ZNF536: variants seen among roughly 807,000 people sequenced by gnomAD.
ZNF536 encodes the protein zinc finger protein 536.
Under a neutral mutation model 84.5 loss-of-function variants are expected in ZNF536, and 13 were observed. That is an observed-to-expected ratio of 0.15 (90% CI 0.10 to 0.24). ZNF536 has a LOEUF of 0.24. Ranked by LOEUF, ZNF536 falls within the 10% of genes least tolerant of loss-of-function variation. The pLI is 1.00. For synonymous variants in ZNF536, 811 were observed against 742.5 expected (o/e 1.09, Z -1.50); for missense variants, 1,536 against 1,747.5 (o/e 0.88, Z 2.16).
In ZNF536 at chr19:30,549,148, A is replaced by G. The variant is rs764948969; in HGVS notation, c.3529A>G (p.Asn1177Asp). The change falls in exon 4 of 5, where the codon AAC (asparagine) becomes GAC (aspartate). Residue 1177 changes from asparagine (N) to aspartate (D), a missense_variant. Asn to Asp is a conservative substitution (Grantham distance 23, BLOSUM62 1). Around this residue, in one of 8 missense-constraint regions of ZNF536, gnomAD observed 624 missense variants for 603.1 expected, o/e 1.03. Coordinates refer to ENST00000355537, the MANE Select transcript of ZNF536 (RefSeq NM_014717.3). ...SEDMDSSKGE[N>D]NDEEDVETEP... ...GGACATGGACTCCTCCAAGGGGGAG[A>G]ACAACGATGAAGAGGATGTTGAAAC... The G allele has an allele frequency of 1.5e-5, 24 of 1,613,936 alleles. No individual in the cohort carries two copies. The highest frequency in any genetic ancestry group is 2.0e-5 in the Non-Finnish European group (24 of 1,180,058).
At chr19:30,513,723 T>A (rs2055515139) in intron 2 of ZNF536, among the ~76,000 whole-genome samples, 1 of 151,996 alleles carries the variant, frequency 6.6e-6, no homozygotes, top group South Asian at 2.1e-4. Flanking sequence ...ACCCCAAATG[T>A]GGGACTCCAG....
chr19:30,295,381 G>A (rs1002047794), intron 2 of ZNF536, among the ~76,000 whole-genome samples: 2 of 152,312 alleles, frequency 1.3e-5, no homozygotes, highest in South Asian at 4.1e-4. Flanking sequence ...GGTATGAACG[G>A]CTGGGGTAGT....
chr19:30,424,983 C>T (rs1200036424), intron 1 of ZNF536, among the ~76,000 whole-genome samples: 2 of 152,148 alleles, frequency 1.3e-5, no homozygotes, highest in East Asian at 1.9e-4. Context: ...TGCGTGGAGC[C>T]TTCTGGGCTT....
At chr19:30,235,322 C>T (rs1455717409) in intron 1 of ZNF536, among the ~76,000 whole-genome samples, 1 of 152,214 alleles carries the variant, frequency 6.6e-6, no homozygotes, top group African/African-American at 2.4e-5. Context: ...GCCTTGTTTG[C>T]ACTCCTGCCT....
chr19:30,467,845 G>A (rs906331223), intron 2 of ZNF536, among the ~76,000 whole-genome samples: 4 of 152,236 alleles, frequency 2.6e-5, no homozygotes, highest in Non-Finnish European at 5.9e-5. Context: ...GGGGGTCACA[G>A]CCCTTTCCAC....
chr19:30,456,540 A>C (rs1175808019), intron 2 of ZNF536, among the ~76,000 whole-genome samples: 1 of 152,112 alleles, frequency 6.6e-6, no homozygotes, highest in Non-Finnish European at 1.5e-5. Context: ...GCACCATGAG[A>C]AAATCCCCTC....
At chr19:30,704,700 G>A (rs564528341) in intron 1 of ZNF536, among the ~76,000 whole-genome samples, 1 of 151,208 alleles carries the variant, frequency 6.6e-6, no homozygotes, top group South Asian at 2.1e-4. Context: ...AGGCCACTGA[G>A]GGGCTGCCTT....
chr19:30,648,481 A>G (rs2049563936), intron 1 of ZNF536, among the ~76,000 whole-genome samples: 1 of 152,222 alleles, frequency 6.6e-6, no homozygotes, highest in African/African-American at 2.4e-5. Context: ...GGGCAGGGGC[A>G]GCAGAGGTGT....
At chr19:30,443,412 A>AT (rs998435584) in intron 1 of ZNF536, 149 bp from the exon 2 acceptor site, 17 of 1,265,174 alleles carry the variant, frequency 1.3e-5, no homozygotes, top group African/African-American at 7.6e-5. Flanking sequence ...TTAATAATTC[A>AT]TTTTTTTATT....
At chr19:30,703,440 T>A (rs1172075711) in intron 1 of ZNF536, among the ~76,000 whole-genome samples, 2 of 152,192 alleles carry the variant, frequency 1.3e-5, no homozygotes, top group African/African-American at 4.8e-5. Flanking sequence ...GAGTTCCTTC[T>A]GGCAAGAGGC....
At chr19:30,632,796 G>T (rs1389600494) in intron 1 of ZNF536, among the ~76,000 whole-genome samples, 1 of 152,204 alleles carries the variant, frequency 6.6e-6, no homozygotes, top group East Asian at 1.9e-4. Flanking sequence ...ATTAGTGAGA[G>T]ATTTTATTCT....
chr19:30,647,800 C>A (rs2049532853), intron 1 of ZNF536, among the ~76,000 whole-genome samples: 1 of 152,114 alleles, frequency 6.6e-6, no homozygotes, highest in Non-Finnish European at 1.5e-5. Flanking sequence ...GGAGTGCTGA[C>A]CCTTTGCTAG....
At chr19:30,311,638 C>T (rs997745305) in intron 2 of ZNF536, among the ~76,000 whole-genome samples, 11 of 152,066 alleles carry the variant, frequency 7.2e-5, no homozygotes, top group African/African-American at 1.7e-4. Context: ...CTCTCTTCCC[C>T]CACCCCCACT....
intron 1 of ZNF536, among the ~76,000 whole-genome samples, chr19:30,599,483 C>CTT (rs1222746843): frequency 9.0e-4 from 108 of 120,076 alleles, no homozygotes; most frequent in African/African-American, 3.5e-3. Flanking sequence ...TCCTTCCTTC[C>CTT]CTCCTTCCTT....
At chr19:30,239,789 C>A (rs1002977879) in intron 1 of ZNF536, among the ~76,000 whole-genome samples, 4 of 152,176 alleles carry the variant, frequency 2.6e-5, no homozygotes, top group African/African-American at 9.7e-5. Flanking sequence ...CCCTACCCCG[C>A]ATCTCATTCT....
rs1177849544 is a variant in ZNF536, at chr19:30,383,741, T to C, written c.-3+11185T>C. ...TTTCTTTCTTTCTTTCTTTCTTTCTTTCTCTTTCTTTCTTTCTCTTTCTTT... is the reference window on the plus strand; with the variant it reads ...TTTCTTTCTTTCTTTCTTTCTTTCTCTCTCTTTCTTTCTTTCTCTTTCTTT... On this transcript the variant is annotated intron_variant, in intron 1 of 4. Coordinates refer to ENST00000355537, the MANE Select transcript of ZNF536 (RefSeq NM_014717.3). Among the ~76,000 whole-genome samples the C allele has an allele frequency of 7.6e-4, 27 of 35,486 alleles. 1 individual carries two copies. Among genetic ancestry groups the C allele is most frequent in the East Asian group, 4.2e-3 (7 of 1,648 alleles). 23.3% of individuals were successfully genotyped at this position (35,486 alleles called of 152,430 possible).
At chr19:30,231,415 T>C (rs901312461) in intron 1 of ZNF536, among the ~76,000 whole-genome samples, 2 of 152,242 alleles carry the variant, frequency 1.3e-5, no homozygotes, top group African/African-American at 2.4e-5. Flanking sequence ...AGTGGGGCCT[T>C]GTGAGTGGAG....
At chr19:30,448,001 C>G (rs1021537706) in intron 2 of ZNF536, among the ~76,000 whole-genome samples, 4 of 152,176 alleles carry the variant, frequency 2.6e-5, no homozygotes, top group Non-Finnish European at 4.4e-5. Flanking sequence ...TTGCCTATCT[C>G]TCAGTGCTTG....
chr19:30,635,119 A>G (rs2049022368), intron 1 of ZNF536, among the ~76,000 whole-genome samples: 2 of 151,946 alleles, frequency 1.3e-5, no homozygotes, highest in African/African-American at 4.8e-5. Context: ...GCGCATGTTT[A>G]GGGACATACC....
Sources: gnomAD v4.1 joint callset for allele counts (sites outside exome capture counted in the v4.1 genomes callset) on GRCh38, gnomAD v4.1.1 for gene constraint, gnomAD v4.1.1 regional missense constraint, MANE v1.5 for transcripts, NCBI Gene and HGNC (gene_info 2026-07-23, HGNC 2026-07-21) for gene names.